The following ZNG1A variants were observed in gnomAD, a reference collection of about 807,000 sequenced individuals.
ZNG1A encodes the protein Zn regulated GTPase metalloprotein activator 1A, also known as zinc-regulated GTPase metalloprotein activator 1A.
chr9:162,467 T>C, the ZNG1A span: 3 of 1,521,246 alleles, frequency 2.0e-6, no homozygotes, highest in Non-Finnish European at 2.7e-6. Context: ...ATAGTTATGA[T>C]ACCTACAAAG....
chr9:177,326 G>A, the ZNG1A span, among the ~76,000 whole-genome samples: 2 of 152,104 alleles, frequency 1.3e-5, no homozygotes, highest in Non-Finnish European at 2.9e-5. Context: ...AACATGCAAC[G>A]AATAAATTAA....
the ZNG1A span, among the ~76,000 whole-genome samples, chr9:145,609 C>T: frequency 2.3e-4 from 35 of 150,344 alleles, no homozygotes; most frequent in Non-Finnish European, 2.2e-4. Flanking sequence ...GATGACGAGT[C>T]AGTGGGTGCA....
chr9:121,807 G>A, the ZNG1A span: 1,594 of 1,332,656 alleles, frequency 1.2e-3, 9 homozygotes, highest in East Asian at 0.034. Context: ...AAGCTTTTAC[G>A]AACGTTGTAA....
the ZNG1A span, among the ~76,000 whole-genome samples, chr9:140,363 C>A: frequency 2.0e-5 from 3 of 151,208 alleles, no homozygotes; most frequent in South Asian, 6.3e-4. Flanking sequence ...CCCCTGACCC[C>A]CGAGCAGCCT....
the ZNG1A span, among the ~76,000 whole-genome samples, chr9:158,611 T>C: frequency 1.3e-4 from 19 of 150,750 alleles, no homozygotes; most frequent in Non-Finnish European, 2.5e-4. Flanking sequence ...TTTAAATGCA[T>C]TTACCTCTCC....
chr9:161,385 T>C, the ZNG1A span, among the ~76,000 whole-genome samples: 1 of 151,322 alleles, frequency 6.6e-6, no homozygotes, highest in South Asian at 2.1e-4. Flanking sequence ...AGGGAATCGC[T>C]TGAACCTGGG....
At chr9:173,999 T>A in the ZNG1A span, among the ~76,000 whole-genome samples, 1 of 151,912 alleles carries the variant, frequency 6.6e-6, no homozygotes, top group Admixed American at 6.6e-5. Context: ...TACAAAAAAT[T>A]AGCCAGGTGT....
chr9:170,913 A>G, the ZNG1A span, among the ~76,000 whole-genome samples: 2 of 143,346 alleles, frequency 1.4e-5, no homozygotes, highest in African/African-American at 5.3e-5. Context: ...GAAAAGCTGA[A>G]TCGTGTTTAA....
chr9:169,162 C>T, the ZNG1A span, among the ~76,000 whole-genome samples: 1 of 152,132 alleles, frequency 6.6e-6, no homozygotes, highest in African/African-American at 2.4e-5. Context: ...ATTTGTGATT[C>T]ATGGGAGATC....
At chr9:139,340 T>C in the ZNG1A span, among the ~76,000 whole-genome samples, 3 of 148,918 alleles carry the variant, frequency 2.0e-5, no homozygotes, top group Admixed American at 6.7e-5. Flanking sequence ...GAGTGTAGAA[T>C]GGTGGATGCC....
the ZNG1A span, among the ~76,000 whole-genome samples, chr9:174,655 G>A: frequency 2.7e-5 from 4 of 150,044 alleles, no homozygotes; most frequent in South Asian, 4.2e-4. Flanking sequence ...ACCAGAAATC[G>A]AATATAACTG....
chr9:162,511 GTTTA>G, the ZNG1A span: 1 of 1,575,198 alleles, frequency 6.3e-7, no homozygotes, highest in Admixed American at 1.7e-5. Context: ...TAAAAAGAAT[GTTTA>G]TTAATATTTG....
At chr9:147,760 AC>A in the ZNG1A span, 1 of 148,392 alleles carries the variant, frequency 6.7e-6, no homozygotes, top group Middle Eastern at 3.2e-3. Flanking sequence ...CAGGTCACAG[AC>A]AAGGGGCACG....
At chr9:125,006 T>G in the ZNG1A span, among the ~76,000 whole-genome samples, 1 of 152,254 alleles carries the variant, frequency 6.6e-6, no homozygotes, top group Non-Finnish European at 1.5e-5. Context: ...CCAATTGTGC[T>G]GCTATAAACA....
At chr9:155,925 G>C in the ZNG1A span, among the ~76,000 whole-genome samples, 1 of 148,804 alleles carries the variant, frequency 6.7e-6, no homozygotes, top group African/African-American at 2.5e-5. Context: ...GGCCAACATG[G>C]TGAAACCCCA....
At chr9:140,344 G>A in the ZNG1A span, among the ~76,000 whole-genome samples, 28 of 151,632 alleles carry the variant, frequency 1.8e-4, no homozygotes, top group African/African-American at 5.4e-4. Flanking sequence ...TCCTCAAGTG[G>A]GTCCCTGACC....
At chr9:175,866 T>G in the ZNG1A span, 2 of 1,280,894 alleles carry the variant, frequency 1.6e-6, no homozygotes, top group Admixed American at 5.1e-5. Flanking sequence ...CCTAACGTTT[T>G]TGAGAATTTG....
chr9:168,252 T>C, the ZNG1A span, among the ~76,000 whole-genome samples: 2 of 146,730 alleles, frequency 1.4e-5, no homozygotes, highest in South Asian at 4.5e-4. Context: ...TTATTTTTTA[T>C]TTATTTATTT....
At chr9:138,508 T>C in the ZNG1A span, among the ~76,000 whole-genome samples, 1 of 135,646 alleles carries the variant, frequency 7.4e-6, no homozygotes. Flanking sequence ...GGTATTGTTT[T>C]CAAAATGTGA....
Sources: allele counts gnomAD v4.1 joint callset (sites outside exome capture counted in the v4.1 genomes callset), GRCh38; gene constraint gnomAD v4.1.1; transcripts MANE v1.5; gene names NCBI Gene and HGNC (gene_info 2026-07-23, HGNC 2026-07-21).